MEIKIN: variants seen among roughly 807,000 people sequenced by gnomAD.
MEIKIN encodes the protein meiosis-specific kinetochore protein.
chr5:131,846,873 T>C lies in MEIKIN; in HGVS notation c.975+4391A>G, dbSNP rs1010049587. ...CACATGATGTATAAAAATGTTAACA[T>C]CATCATCTGAAAGGGGTGAAGTAAA... On this transcript the variant is annotated intron_variant, in intron 11 of 12. Coordinates refer to ENST00000442687, the MANE Select transcript of MEIKIN (RefSeq NM_001303622.2). Among the ~76,000 whole-genome samples the C allele has an allele frequency of 3.1e-5, 3 of 95,748 alleles. No homozygotes were observed. The Admixed American group carries it at 3.4e-4, about 11-fold the overall frequency. The allele number at this position is 95,748 out of a possible 152,430, so 62.8% of individuals were successfully genotyped here. A position where few individuals can be genotyped will look rare whatever the true frequency, so the allele number is the denominator to read the frequency against.
chr5:131,898,147 A>G (rs767004525), intron 8 of MEIKIN, among the ~76,000 whole-genome samples: 65 of 152,142 alleles, frequency 4.3e-4, no homozygotes, highest in African/African-American at 1.5e-3. Context: ...AGTTTTCCTT[A>G]TAACAGTCAG....
chr5:131,945,257 A>G lies in MEIKIN; in HGVS notation c.107-8T>C. 1 of 399,072 alleles carries G rather than the reference A, an allele frequency of 2.5e-6. No homozygotes were observed. Among genetic ancestry groups the G allele is most frequent in the South Asian group, 1.3e-4 (1 of 7,858 alleles). 24.7% of individuals were successfully genotyped at this position (399,072 alleles called of 1,614,324 possible). A position where few individuals can be genotyped will look rare whatever the true frequency, so the allele number is the denominator to read the frequency against. On this transcript the variant is annotated splice_region_variant and splice_polypyrimidine_tract_variant and intron_variant, in intron 1 of 12. Coordinates refer to ENST00000442687, the MANE Select transcript of MEIKIN (RefSeq NM_001303622.2). ...TGCCTTTTCTCTTCGAACCTGAGAG[A>G]GGGCGGCACGTTTCAGGGCAAGAAA...
intron 9 of MEIKIN, among the ~76,000 whole-genome samples, chr5:131,861,654 G>T (rs992902658): frequency 1.3e-5 from 2 of 152,074 alleles, no homozygotes; most frequent in Admixed American, 1.3e-4. Context: ...GAGAGTTTTT[G>T]TCATGAAGGA....
At chr5:131,830,303 G>A (rs987599502) in intron 11 of MEIKIN, among the ~76,000 whole-genome samples, 3 of 152,296 alleles carry the variant, frequency 2.0e-5, no homozygotes, top group Admixed American at 6.5e-5. Context: ...AGGCTGAGGC[G>A]AGAGGATCAA....
Position 131,911,815 on chromosome 5 carries a change from C to T in MEIKIN, c.703G>A (p.Asp235Asn). Reference protein sequence around the residue: ...KAKCASNSESDNAACEILLAE... With the variant: ...KAKCASNSESNNAACEILLAE... ...AATAATTAGTTTCATTATTTGTTAC[C>T]TGATTCTGAATTTGAAGCACACTTT... is the stretch of plus-strand genomic sequence containing the variant. The change falls in exon 8 of 13, where the codon GAT (aspartate) becomes AAT (asparagine). Residue 235 changes from aspartate to asparagine, a missense_variant and splice_region_variant. Asp to Asn is a conservative substitution (Grantham distance 23). Coordinates refer to ENST00000442687, the MANE Select transcript of MEIKIN (RefSeq NM_001303622.2). The T allele has an allele frequency of 5.0e-6, 2 of 397,408 alleles. No homozygotes were observed. The highest frequency in any genetic ancestry group is 8.9e-6 in the Non-Finnish European group (2 of 225,084). 24.6% of individuals were successfully genotyped at this position (397,408 alleles called of 1,614,324 possible).
intron 3 of MEIKIN, among the ~76,000 whole-genome samples, chr5:131,943,350 A>G (rs1277226636): frequency 6.6e-6 from 1 of 152,242 alleles, no homozygotes; most frequent in East Asian, 1.9e-4. Context: ...CATGAATAAA[A>G]AAACTTGAAA....
In MEIKIN at chr5:131,838,664, T is replaced by C. The variant is rs546823927; in HGVS notation, c.975+12600A>G. 1.9e-3 allele frequency among the ~76,000 whole-genome samples: 287 copies of C among 152,258 alleles called. 1 individual carries two copies. The highest frequency in any genetic ancestry group is 6.7e-3 in the African/African-American group (278 of 41,574). ...TAGAGGTTTTCATAATATTATCTCA[T>C]GGTTATTTGCTTTTCTGTGGGGCCA... is the stretch of plus-strand genomic sequence containing the variant. On this transcript the variant is annotated intron_variant, in intron 11 of 12. Coordinates refer to ENST00000442687, the MANE Select transcript of MEIKIN (RefSeq NM_001303622.2).
intron 11 of MEIKIN, among the ~76,000 whole-genome samples, chr5:131,831,206 T>C (rs992133573): frequency 6.6e-6 from 1 of 152,148 alleles, no homozygotes; most frequent in Non-Finnish European, 1.5e-5. Flanking sequence ...TCTAACAAGA[T>C]CCACTAAAGT....
intron 11 of MEIKIN, among the ~76,000 whole-genome samples, chr5:131,832,319 A>G (rs1749728613): frequency 6.6e-6 from 1 of 151,934 alleles, no homozygotes; most frequent in Middle Eastern, 3.4e-3. Flanking sequence ...CCAACATGAT[A>G]TTTTTTTTGA....
At chr5:131,937,185 C>T (rs769738461) in intron 4 of MEIKIN, among the ~76,000 whole-genome samples, 10 of 152,102 alleles carry the variant, frequency 6.6e-5, no homozygotes, top group Non-Finnish European at 1.3e-4. Flanking sequence ...TCCTGGTTCA[C>T]GAACATCTGC....
intron 9 of MEIKIN, among the ~76,000 whole-genome samples, chr5:131,857,965 C>G (rs1750223922): frequency 6.6e-6 from 1 of 152,218 alleles, no homozygotes; most frequent in Admixed American, 6.5e-5. Flanking sequence ...CCCAGCCCAC[C>G]ACTGCTGCTG....
intron 7 of MEIKIN, among the ~76,000 whole-genome samples, chr5:131,914,605 GGGAAGGA>G (rs1751385681): frequency 1.3e-3 from 1 of 742 alleles, no homozygotes; most frequent in African/African-American, 2.7e-3. Flanking sequence ...GGGAAGGGAA[GGGAAGGA>G]AAGGGAAGGA....
At chr5:131,808,893 T>C (rs1772897713) in intron 12 of MEIKIN, among the ~76,000 whole-genome samples, 1 of 152,118 alleles carries the variant, frequency 6.6e-6, no homozygotes, top group Non-Finnish European at 1.5e-5. Context: ...CTGGGCATCA[T>C]GGTGAAACCC....
intron 12 of MEIKIN, among the ~76,000 whole-genome samples, chr5:131,815,676 G>A (rs1187634406): frequency 1.3e-5 from 2 of 152,206 alleles, no homozygotes; most frequent in African/African-American, 4.8e-5. Context: ...CTCCACAATG[G>A]TGGTAAGGAA....
At chr5:131,939,096 T>C (rs1479479132) in intron 4 of MEIKIN, among the ~76,000 whole-genome samples, 1 of 152,190 alleles carries the variant, frequency 6.6e-6, no homozygotes, top group Non-Finnish European at 1.5e-5. Context: ...TTAATTCCCT[T>C]TCCTCCCCGG....
chr5:131,925,813 C>G (rs1580910186), intron 5 of MEIKIN, among the ~76,000 whole-genome samples: 1 of 152,146 alleles, frequency 6.6e-6, no homozygotes, highest in South Asian at 2.1e-4. Context: ...GGACTACAGG[C>G]ACCTGCCACC....
At chr5:131,858,251 G>A (rs529244237) in intron 9 of MEIKIN, among the ~76,000 whole-genome samples, 28 of 152,282 alleles carry the variant, frequency 1.8e-4, no homozygotes, top group African/African-American at 6.7e-4. Flanking sequence ...ATAGACCAAT[G>A]GAACAGAATA....
rs1217350064 is a variant in MEIKIN at position 131,879,012 on chromosome 5, G to C, written c.740C>G (p.Thr247Ser). The C allele has an allele frequency of 2.5e-6, 1 of 398,456 alleles. No individual in the cohort carries two copies. The highest frequency in any genetic ancestry group is 4.4e-6 in the Non-Finnish European group (1 of 225,878). 24.7% of individuals were successfully genotyped at this position (398,456 alleles called of 1,614,324 possible). ...TGTTTTTTCAGGGGTTGAAGGGCAAGTTTTCTCAGCAAGTAAAATCTCACA... is the reference window on the plus strand; with the variant it reads ...TGTTTTTTCAGGGGTTGAAGGGCAACTTTTCTCAGCAAGTAAAATCTCACA... ...AACEILLAEK[T>S]CPSTPEKTKK... The change falls in exon 9 of 13, where the codon ACT becomes AGT. Residue 247 changes from threonine (T) to serine (S), a missense_variant. Physicochemically the swap from Thr to Ser is moderately conservative, Grantham distance 58 (BLOSUM62 1). Coordinates refer to ENST00000442687, the MANE Select transcript of MEIKIN (RefSeq NM_001303622.2).
intron 8 of MEIKIN, among the ~76,000 whole-genome samples, chr5:131,903,716 G>C (rs1035475666): frequency 6.6e-6 from 1 of 151,992 alleles, no homozygotes; most frequent in African/African-American, 2.4e-5. Flanking sequence ...ACACTACAAA[G>C]CAACCACACA....
Sources: allele counts gnomAD v4.1 joint callset (sites outside exome capture counted in the v4.1 genomes callset), GRCh38; gene constraint gnomAD v4.1.1; transcripts MANE v1.5; gene names NCBI Gene and HGNC (gene_info 2026-07-23, HGNC 2026-07-21).